The following USP35 variants were observed in gnomAD, a reference collection of about 807,000 sequenced individuals.
USP35 encodes the protein ubiquitin specific peptidase 35.
Under a neutral mutation model 83.8 loss-of-function variants are expected in USP35, and 69 were observed. That is an observed-to-expected ratio of 0.82 (90% CI 0.68 to 1.01). The LOEUF (loss-of-function observed/expected upper bound fraction) is 1.01. USP35 is among the 50% of genes least tolerant of loss of function. The pLI, the probability that USP35 is intolerant of heterozygous loss-of-function variation, is 0.00. For missense variants in USP35, 1,503 were observed against 1,362.5 expected (o/e 1.10, Z -1.62); for synonymous variants, 714 against 589.5 (o/e 1.21, Z -3.06).
Position 78,209,965 on chromosome 11 carries a change from G to A in USP35, c.2110G>A (p.Gly704Arg). 6.2e-7 allele frequency: 1 copy of A among 1,612,036 alleles called. No homozygotes were observed. The highest frequency in any genetic ancestry group is 8.5e-7 in the Non-Finnish European group (1 of 1,179,028). ...GEEEESTRGE[G>R]EREKEEEVEE... Reference sequence around the variant, plus strand: ...GGAGGAGGAAAGCACCAGAGGGGAAGGAGAGAGGGAGAAAGAGGAGGAGGT... The same window carrying A: ...GGAGGAGGAAAGCACCAGAGGGGAAAGAGAGAGGGAGAAAGAGGAGGAGGT... Residue 704 changes from glycine to arginine, a missense_variant, in exon 10 of 11, where the codon GGA (glycine) becomes AGA (arginine). Gly to Arg is a moderately radical substitution (Grantham distance 125, BLOSUM62 -2). Transcript: ENST00000529308.
At chr11:78,204,766 G>A (rs1200374027) in intron 6 of USP35, among the ~76,000 whole-genome samples, 1 of 152,190 alleles carries the variant, frequency 6.6e-6, no homozygotes, top group Non-Finnish European at 1.5e-5. Flanking sequence ...CCTTGGTTAT[G>A]TGTGTGTGTT....
intron 6 of USP35, among the ~76,000 whole-genome samples, chr11:78,201,466 C>T (rs1863358604): frequency 6.6e-6 from 1 of 152,220 alleles, no homozygotes; most frequent in Admixed American, 6.5e-5. Context: ...ATACGAGAAA[C>T]TCTGGTCGGA....
At chr11:78,207,826 C>T (rs769625405) in intron 8 of USP35, among the ~76,000 whole-genome samples, 3 of 152,228 alleles carry the variant, frequency 2.0e-5, no homozygotes, top group African/African-American at 4.8e-5. Context: ...AGCCCTGTTC[C>T]GTGTTGTGCT....
At position 78,208,980 on chromosome 11, in the gene USP35, T is replaced by C. The variant is rs1863627724; in HGVS notation, c.1592+17T>C. On this transcript the variant is annotated intron_variant, in intron 9 of 10. Transcript: ENST00000529308. ...GCTGGATCGGTAAGGGGGCCAGGGC[T>C]ACGCGAAGACTCCAGGTCTAGAGGG... 1.9e-6 allele frequency: 3 copies of C among 1,612,402 alleles called. No individual in the cohort carries two copies. The highest frequency in any genetic ancestry group is 2.5e-6 in the Non-Finnish European group (3 of 1,178,718).
At chr11:78,191,543 C>G (rs12576116) in intron 1 of USP35, among the ~76,000 whole-genome samples, 8,003 of 152,222 alleles carry the variant, frequency 0.053, 354 homozygotes, top group East Asian at 0.26. Flanking sequence ...GGGCTAGACT[C>G]GAAGCCTGGA....
At position 78,210,668 on chromosome 11, in the gene USP35, C is replaced by G; in HGVS notation, c.2813C>G (p.Ser938Cys). 3.1e-6 allele frequency: 5 copies of G among 1,613,244 alleles called. No homozygotes were observed. Among genetic ancestry groups the G allele is most frequent in the Non-Finnish European group, 4.2e-6 (5 of 1,179,538 alleles). The change falls in exon 10 of 11, where the codon TCT (serine) becomes TGT (cysteine). Residue 938 changes from serine (S) to cysteine (C), a missense_variant. Physicochemically the swap from Ser to Cys is moderately radical, Grantham distance 112 (BLOSUM62 -1). Transcript: ENST00000529308. ...REGPEAELGS[S>C]RVRTEPTLHK... The stretch of plus-strand genomic sequence containing the variant: ...GGGCCCGAGGCTGAGTTGGGCTCTT[C>G]TAGAGTCCGGACAGAGCCCACCCTG...
At chr11:78,203,983 C>T (rs1226786064) in intron 6 of USP35, among the ~76,000 whole-genome samples, 3 of 146,924 alleles carry the variant, frequency 2.0e-5, no homozygotes, top group Non-Finnish European at 3.0e-5. Context: ...CTCCGCCTCC[C>T]GGGTTCACGC....
intron 3 of USP35, 126 bp downstream of exon 3, chr11:78,198,194 G>A (rs1863214307): frequency 1.4e-6 from 2 of 1,414,446 alleles, no homozygotes. Context: ...CCTCATGTGT[G>A]TTCCATCATC....
chr11:78,218,439 C>T (rs544680444), downstream of USP35: 5 of 152,630 alleles, frequency 3.3e-5, no homozygotes, highest in East Asian at 9.6e-4. Context: ...GAGGACTAGC[C>T]CTTGGGCCTA....
rs752940646 is a variant in USP35 at position 78,213,809 on chromosome 11, T to C, written c.3053T>C (p.Phe1018Ser). ...GNGGDFHRLV[F>S] ...GGTGGTGACTTCCACAGACTGGTCT[T>C]CTAATGTGAACCTGCTGCCAACCTG... The change falls in exon 11 of 11, where the codon TTC becomes TCC. Residue 1018 changes from phenylalanine (F) to serine (S), a missense_variant. Transcript: ENST00000529308. 31 of 1,554,318 alleles carry C rather than the reference T, an allele frequency of 2.0e-5. No individual in the cohort carries two copies. The highest frequency in any genetic ancestry group is 3.5e-6 in the Non-Finnish European group (4 of 1,158,222).
At position 78,210,547 on chromosome 11, in the gene USP35, G is replaced by T. The variant is rs1388376888; in HGVS notation, c.2692G>T (p.Val898Leu). 6.2e-7 allele frequency: 1 copy of T among 1,613,120 alleles called. No individual in the cohort carries two copies. ...GTGGTACCTGTTCAATGACACTCGG[G>T]TGTCCTTCTCTTCCTTCGAATCTGT... ...NQWYLFNDTRVSFSSFESVSN... is the reference protein window; with the variant it reads ...NQWYLFNDTRLSFSSFESVSN... Residue 898 changes from valine (V) to leucine (L), a missense_variant, in exon 10 of 11, where the codon GTG (valine) becomes TTG (leucine). Val to Leu is a conservative substitution (Grantham distance 32). Coordinates refer to ENST00000529308, the MANE Select transcript of USP35 (RefSeq NM_020798.4).
At chr11:78,190,333 G>C (rs1862965024) in intron 1 of USP35, among the ~76,000 whole-genome samples, 1 of 152,220 alleles carries the variant, frequency 6.6e-6, no homozygotes, top group African/African-American at 2.4e-5. Context: ...GTCCAGTCCA[G>C]TGACCTCTGT....
At chr11:78,213,302 C>T (rs1360049056) in intron 10 of USP35, among the ~76,000 whole-genome samples, 1 of 152,078 alleles carries the variant, frequency 6.6e-6, no homozygotes, top group Non-Finnish European at 1.5e-5. Flanking sequence ...ATAGGCAGAG[C>T]CCATTCCTCG....
chr11:78,226,468 G>C, the USP35 span: 1 of 1,611,172 alleles, frequency 6.2e-7, no homozygotes, highest in East Asian at 2.2e-5. Flanking sequence ...TACTGACCTC[G>C]GTGAAGTCGG....
chr11:78,227,201 T>C, the USP35 span: 1 of 627,026 alleles, frequency 1.6e-6, no homozygotes, highest in Non-Finnish European at 2.8e-6. Context: ...CAGACTCTAG[T>C]ATATGAATGT....
rs148081303 is a variant in USP35, at chr11:78,200,164, G to A, written c.968G>A (p.Arg323Gln). ...TCTAAGCTGCTGTACCCCATCGTCC[G>A]GGGAGCTGCCTTGTCTGTGCTCAAG... ...VFSKLLYPIV[R>Q]GAALSVLKYM... is the part of the protein sequence containing the mutation. The change falls in exon 5 of 11, where the codon CGG becomes CAG. Residue 323 changes from arginine to glutamine, a missense_variant. Physicochemically the swap from Arg to Gln is conservative, Grantham distance 43. Transcript: ENST00000529308. 1.7e-5 allele frequency: 27 copies of A among 1,614,162 alleles called. No individual in the cohort carries two copies. The highest frequency in any genetic ancestry group is 1.6e-4 in the Middle Eastern group (1 of 6,062).
intron 2 of USP35, 135 bp from the exon 3 acceptor site, chr11:78,197,801 A>G (rs1370194093): frequency 2.5e-5 from 32 of 1,282,362 alleles, no homozygotes; most frequent in Non-Finnish European, 3.2e-5. Context: ...TTTGCTTGCT[A>G]TAGGAGAGGA....
chr11:78,229,435 G>A, the USP35 span, among the ~76,000 whole-genome samples: 1 of 152,150 alleles, frequency 6.6e-6, no homozygotes, highest in Non-Finnish European at 1.5e-5. Flanking sequence ...GGGGTTGCAA[G>A]AGCATCACAG....
intron 8 of USP35, 112 bp downstream of exon 8, chr11:78,207,735 T>G (rs1335283616): frequency 8.1e-6 from 9 of 1,117,818 alleles, no homozygotes; most frequent in Admixed American, 2.0e-5. Flanking sequence ...ATCTCCCATG[T>G]CAGTTGCTGA....
Sources: allele counts gnomAD v4.1 joint callset (sites outside exome capture counted in the v4.1 genomes callset), GRCh38; gene constraint gnomAD v4.1.1; transcripts MANE v1.5; gene names NCBI Gene and HGNC (gene_info 2026-07-23, HGNC 2026-07-21).